Variants in SNX13 observed in about 807,000 individuals in gnomAD.
SNX13 encodes the protein sorting nexin-13.
Under a neutral mutation model 133.6 loss-of-function variants are expected in SNX13, and 45 were observed. The ratio of observed to expected loss-of-function variants is 0.34; its 90% confidence interval spans 0.27 to 0.43. The LOEUF is 0.43. Ranked by LOEUF, SNX13 falls within the 20% of genes least tolerant of loss-of-function variation. The pLI is 1.00. For synonymous variants in SNX13, 414 were observed against 373.9 expected, an observed-to-expected ratio of 1.11 and a Z score of -1.24; for missense variants, 1,032 against 1,145.1, an observed-to-expected ratio of 0.90 and a Z score of 1.43.
At chr7:17,824,839 G>T (rs999927640) in intron 17 of SNX13, among the ~76,000 whole-genome samples, 24 of 150,258 alleles carry the variant, frequency 1.6e-4, no homozygotes, top group Admixed American at 8.0e-4. Flanking sequence ...GTGTGATCTC[G>T]GCTCATTGAA....
chr7:17,834,739 TA>T, intron 14 of SNX13, 21 bp downstream of exon 14: 1 of 1,432,800 alleles, frequency 7.0e-7, no homozygotes, highest in Non-Finnish European at 9.6e-7. Flanking sequence ...GATAAAATGA[TA>T]AATGCTGTAC....
At position 17,792,881 on chromosome 7, in the gene SNX13, T is replaced by A. The variant is rs1341742361; in HGVS notation, c.*1164A>T. 2 of 152,350 alleles carry A rather than the reference T, an allele frequency of 1.3e-5. No individual in the cohort carries two copies. Among genetic ancestry groups the A allele is most frequent in the Non-Finnish European group, 2.9e-5 (2 of 67,858 alleles). 9.4% of individuals were successfully genotyped at this position (152,350 alleles called of 1,614,324 possible). A position where few individuals can be genotyped will look rare whatever the true frequency, so the allele number is the denominator to read the frequency against. ...ATTTTATTGATATAAAATTAATTTA[T>A]GGGTTTAAAGGTATACACTGAGGGG... On this transcript the variant is annotated 3_prime_UTR_variant, in exon 26 of 26. Transcript: ENST00000428135.
In SNX13 at chr7:17,830,060, A is replaced by T; in HGVS notation, c.1598-13T>A. The T allele has an allele frequency of 6.6e-7, 1 of 1,525,106 alleles. No homozygotes were observed. The highest frequency in any genetic ancestry group is 8.8e-7 in the Non-Finnish European group (1 of 1,130,272). 94.5% of individuals were successfully genotyped at this position (1,525,106 alleles called of 1,614,324 possible). Reference sequence around the variant, plus strand: ...CCATTAAAAGATTCTGCAGGGGGGAAATTCAACTTAGTATACAGCAAAAAA... The same window carrying T: ...CCATTAAAAGATTCTGCAGGGGGGATATTCAACTTAGTATACAGCAAAAAA... On this transcript the variant is annotated splice_polypyrimidine_tract_variant and intron_variant, in intron 15 of 25. Transcript: ENST00000428135.
At chr7:17,797,397 C>A (rs1015689982) in intron 24 of SNX13, among the ~76,000 whole-genome samples, 1 of 151,836 alleles carries the variant, frequency 6.6e-6, no homozygotes, top group African/African-American at 2.4e-5. Flanking sequence ...TCTAAGCCCA[C>A]AACTTACAGA....
At chr7:17,795,437 C>T (rs1783940817) in intron 25 of SNX13, 1 of 151,512 alleles carries the variant, frequency 6.6e-6, no homozygotes, top group Non-Finnish European at 1.5e-5. Context: ...AATTTATATG[C>T]TTTCATATTT....
At position 17,929,138 on chromosome 7, in the gene SNX13, G is replaced by A. The variant is rs1294124759; in HGVS notation, c.12+11146C>T. Among the ~76,000 whole-genome samples, 28 of 151,912 alleles carry A rather than the reference G, an allele frequency of 1.8e-4. 1 individual carries two copies. The highest frequency in any genetic ancestry group is 1.8e-3 in the Admixed American group (28 of 15,254). Reference sequence around the variant, plus strand: ...GCCTGTAGACACAGAGAAGAATAATGAATACAGAAAGGAGAAAAAACAAAT... The same window carrying A: ...GCCTGTAGACACAGAGAAGAATAATAAATACAGAAAGGAGAAAAAACAAAT... On this transcript the variant is annotated intron_variant, in intron 1 of 25. Coordinates refer to ENST00000428135, the MANE Select transcript of SNX13 (RefSeq NM_015132.5).
At chr7:17,921,998 G>C (rs1227371385) in intron 1 of SNX13, among the ~76,000 whole-genome samples, 1 of 152,112 alleles carries the variant, frequency 6.6e-6, no homozygotes, top group East Asian at 1.9e-4. Flanking sequence ...CTTCACTTTA[G>C]ACACTACAAG....
In SNX13 at chr7:17,890,380, G is replaced by C. The variant is rs773736260; in HGVS notation, c.423C>G (p.Leu141=). The change falls in exon 5 of 26, where the codon CTC becomes CTG. Residue 141 remains leucine (L), a synonymous_variant. Transcript: ENST00000428135. ...GTCCTTACCTAGTAGCAAACTGAAT[G>C]AGTGCGTTTTGAAGAGTCTGCCTAA... ...LEIRQTLQNA[L]IQFATRSKEI... is the part of the protein sequence containing the mutation. The C allele has an allele frequency of 3.1e-6, 5 of 1,611,052 alleles. No homozygotes were observed. Among genetic ancestry groups the C allele is most frequent in the Non-Finnish European group, 4.2e-6 (5 of 1,178,346 alleles).
chr7:17,874,445 T>C (rs1310038171), intron 7 of SNX13, among the ~76,000 whole-genome samples: 2 of 152,194 alleles, frequency 1.3e-5, no homozygotes, highest in Non-Finnish European at 2.9e-5. Context: ...CACAGAATTC[T>C]GTCTGCACAG....
At chr7:17,917,305 C>T (rs1268803096) in intron 1 of SNX13, among the ~76,000 whole-genome samples, 1 of 151,944 alleles carries the variant, frequency 6.6e-6, no homozygotes, top group Non-Finnish European at 1.5e-5. Context: ...TACCAGAAGT[C>T]TTAGAGCAAT....
chr7:17,920,558 G>GA (rs1475342623), intron 1 of SNX13, among the ~76,000 whole-genome samples: 2 of 152,082 alleles, frequency 1.3e-5, no homozygotes, highest in Non-Finnish European at 2.9e-5. Flanking sequence ...GTTTAACAGT[G>GA]AAAAAATACA....
Position 17,816,189 on chromosome 7 carries a change from T to C in SNX13, c.1946A>G (p.Tyr649Cys). ...LEKRKKDLNA[Y>C]LQLLLAPEMM... ...TAGTAAACATGAGCTTACCTGCAAATATGCATTTAGATCCTTTTTTCTCTT... is the reference window on the plus strand; with the variant it reads ...TAGTAAACATGAGCTTACCTGCAAACATGCATTTAGATCCTTTTTTCTCTT... The change falls in exon 19 of 26, where the codon TAT (tyrosine) becomes TGT (cysteine). Residue 649 changes from tyrosine to cysteine, a missense_variant. Physicochemically the swap from Tyr to Cys is radical, Grantham distance 194. Coordinates refer to ENST00000428135, the MANE Select transcript of SNX13 (RefSeq NM_015132.5). 1 of 1,534,080 alleles carries C rather than the reference T, an allele frequency of 6.5e-7. No individual in the cohort carries two copies. Among genetic ancestry groups the C allele is most frequent in the Non-Finnish European group, 8.8e-7 (1 of 1,138,638 alleles).
intron 17 of SNX13, 89 bp downstream of exon 17, chr7:17,825,933 A>G (rs1787861291): frequency 1.1e-6 from 1 of 895,664 alleles, no homozygotes. Context: ...GAACAAAAAA[A>G]TGGTTAGTAA....
chr7:17,802,172 G>A (rs970506826), intron 21 of SNX13, among the ~76,000 whole-genome samples: 1 of 152,024 alleles, frequency 6.6e-6, no homozygotes, highest in African/African-American at 2.4e-5. Context: ...TATAGCCTAG[G>A]TGAGAAGTAG....
intron 13 of SNX13, among the ~76,000 whole-genome samples, chr7:17,836,194 C>T (rs1264985254): frequency 6.6e-6 from 1 of 151,832 alleles, no homozygotes; most frequent in African/African-American, 2.4e-5. Flanking sequence ...CAGTCAAGAT[C>T]CCCTCTTCCA....
chr7:17,814,746 T>C (rs886389621), intron 20 of SNX13, 88 bp downstream of exon 20: 1 of 1,153,102 alleles, frequency 8.7e-7, no homozygotes, highest in East Asian at 3.1e-5. Context: ...AAAACACACG[T>C]ACAAATCTAA....
At chr7:17,886,122 G>A (rs1260263863) in intron 5 of SNX13, among the ~76,000 whole-genome samples, 1 of 152,046 alleles carries the variant, frequency 6.6e-6, no homozygotes, top group East Asian at 1.9e-4. Context: ...AAGGTAGTAA[G>A]AAAATTGGTA....
At chr7:17,935,365 A>G (rs2128052847) in intron 1 of SNX13, among the ~76,000 whole-genome samples, 1 of 152,344 alleles carries the variant, frequency 6.6e-6, no homozygotes, top group Admixed American at 6.5e-5. Context: ...AGCCTGGAGA[A>G]GAGGGAGCAA....
intron 17 of SNX13, among the ~76,000 whole-genome samples, chr7:17,824,218 A>G (rs1787618702): frequency 6.6e-6 from 1 of 152,256 alleles, no homozygotes; most frequent in Non-Finnish European, 1.5e-5. Context: ...CAACTCCATT[A>G]CTAATCATAT....
Sources: allele counts gnomAD v4.1 joint callset (sites outside exome capture counted in the v4.1 genomes callset), GRCh38; gene constraint gnomAD v4.1.1; transcripts MANE v1.5; gene names NCBI Gene and HGNC (gene_info 2026-07-23, HGNC 2026-07-21).